Variants in PXDNL observed in about 807,000 individuals in gnomAD.
The protein encoded by PXDNL is probable oxidoreductase PXDNL.
A neutral mutation model predicts 150.8 loss-of-function variants in PXDNL; 145 were observed. That is an observed-to-expected ratio of 0.96 (90% confidence interval 0.84 to 1.10). PXDNL has a LOEUF of 1.10. Among genes scored for constraint, PXDNL ranks in the 50% least tolerant of loss-of-function variants. PXDNL has a pLI of 0.00. For synonymous variants in PXDNL, 757 were observed against 725.7 expected (o/e 1.04, Z -0.69); for missense variants, 2,087 against 1,873.9 (o/e 1.11, Z -2.10).
At chr8:51,534,971 G>A (rs1441401230) in intron 4 of PXDNL, among the ~76,000 whole-genome samples, 1 of 113,410 alleles carries the variant, frequency 8.8e-6, no homozygotes, top group Non-Finnish European at 1.7e-5. Context: ...GGAGGTGGGG[G>A]GGTCAGCCCC....
chr8:51,396,090 C>G (rs1808073469), intron 17 of PXDNL, among the ~76,000 whole-genome samples: 1 of 152,204 alleles, frequency 6.6e-6, no homozygotes, highest in East Asian at 1.9e-4. Flanking sequence ...TTCTATAGAT[C>G]GGCAATAAAC....
chr8:51,628,822 G>C (rs1431387070), intron 2 of PXDNL, among the ~76,000 whole-genome samples: 1 of 152,006 alleles, frequency 6.6e-6, no homozygotes, highest in African/African-American at 2.4e-5. Flanking sequence ...ACAAAAAGAA[G>C]ACTTTACAAA....
rs755211894 is a variant in PXDNL, at chr8:51,809,243, G to A, written c.102C>T (p.Thr34=). The change falls in exon 1 of 23, where the codon ACC becomes ACT. Residue 34 remains threonine, a synonymous_variant. Transcript: ENST00000356297. The part of the protein sequence containing the change: ...CPSRCLCFKS[T]VRCMHLMLDH... ...CCAGCATCAAGTGCATGCAGCGGAC[G>A]GTGCTCTTAAAGCAAAGGCACCGGC... 9 of 1,612,436 alleles carry A rather than the reference G, an allele frequency of 5.6e-6. No homozygotes were observed. Among genetic ancestry groups the A allele is most frequent in the Admixed American group, 1.7e-5 (1 of 59,812 alleles).
At chr8:51,463,857 C>A (rs957444092) in intron 8 of PXDNL, among the ~76,000 whole-genome samples, 11 of 151,914 alleles carry the variant, frequency 7.2e-5, no homozygotes, top group African/African-American at 2.7e-4. Flanking sequence ...GGGTAAACAA[C>A]AAAATTAAAA....
chr8:51,676,854 A>T (rs1443609948), intron 1 of PXDNL, among the ~76,000 whole-genome samples: 3 of 152,244 alleles, frequency 2.0e-5, no homozygotes, highest in African/African-American at 7.2e-5. Flanking sequence ...AAAAAGAAGA[A>T]GATCAATAAG....
intron 1 of PXDNL, among the ~76,000 whole-genome samples, chr8:51,698,167 A>G (rs997866892): frequency 1.3e-5 from 2 of 152,218 alleles, no homozygotes; most frequent in South Asian, 4.1e-4. Context: ...AAATAATTCA[A>G]TAATGAAGTT....
At chr8:51,734,445 G>A (rs1010790034) in intron 1 of PXDNL, among the ~76,000 whole-genome samples, 3 of 152,138 alleles carry the variant, frequency 2.0e-5, no homozygotes, top group Non-Finnish European at 4.4e-5. Context: ...TGTGATAGTT[G>A]GGTTCTGAAA....
intron 4 of PXDNL, among the ~76,000 whole-genome samples, chr8:51,551,453 AT>A (rs1431942874): frequency 1.3e-5 from 2 of 152,208 alleles, no homozygotes; most frequent in Admixed American, 1.3e-4. Context: ...CCAAAACGGC[AT>A]GGTACTACTG....
intron 19 of PXDNL, among the ~76,000 whole-genome samples, chr8:51,368,157 A>C (rs1025328867): frequency 6.6e-6 from 1 of 152,090 alleles, no homozygotes; most frequent in Non-Finnish European, 1.5e-5. Flanking sequence ...ACAAAACAAA[A>C]TGGTGGATAA....
intron 1 of PXDNL, chr8:51,721,989 G>A (rs142486919): frequency 1.2e-4 from 26 of 223,488 alleles, no homozygotes; most frequent in African/African-American, 5.5e-4. Flanking sequence ...CACCTCTTCA[G>A]TACCAGAGAT....
At chr8:51,447,293 T>A in intron 11 of PXDNL, 131 bp from the exon 12 acceptor site, 2 of 856,754 alleles carry the variant, frequency 2.3e-6, no homozygotes, top group East Asian at 5.3e-5. Flanking sequence ...CTGTGTGCGT[T>A]GTGCCCTAGG....
At chr8:51,778,478 A>T (rs192584757) in intron 1 of PXDNL, among the ~76,000 whole-genome samples, 61 of 152,204 alleles carry the variant, frequency 4.0e-4, no homozygotes, top group Non-Finnish European at 7.4e-4. Context: ...CTCTCCACAC[A>T]CATTTTTTAA....
intron 1 of PXDNL, among the ~76,000 whole-genome samples, chr8:51,763,680 T>A (rs72642977): frequency 0.05 from 7,682 of 152,130 alleles, 275 homozygotes; most frequent in Non-Finnish European, 0.077. Flanking sequence ...AAAAAAAAAA[T>A]TTATTCCTGA....
intron 4 of PXDNL, among the ~76,000 whole-genome samples, chr8:51,533,502 CCTCCCTCTCCCT>C (rs1258537863): frequency 7.9e-6 from 1 of 126,830 alleles, no homozygotes; most frequent in East Asian, 2.7e-4. Context: ...TCCCCCTCCC[CCTCCCTCTCCCT>C]CTCCCTCCAC....
chr8:51,438,268 C>A (rs1413143746), intron 12 of PXDNL, among the ~76,000 whole-genome samples: 1 of 152,000 alleles, frequency 6.6e-6, no homozygotes, highest in African/African-American at 2.4e-5. Flanking sequence ...TCATGCAATT[C>A]CCATCAAAAT....
chr8:51,651,374 T>G (rs569608141), intron 2 of PXDNL, among the ~76,000 whole-genome samples: 1 of 152,308 alleles, frequency 6.6e-6, no homozygotes, highest in East Asian at 1.9e-4. Flanking sequence ...GCCCTTCTTT[T>G]GAGATTTGGG....
At chr8:51,504,698 T>C (rs1811250213) in intron 4 of PXDNL, among the ~76,000 whole-genome samples, 1 of 152,222 alleles carries the variant, frequency 6.6e-6, no homozygotes, top group Non-Finnish European at 1.5e-5. Context: ...TAAAGTAATA[T>C]TCACATCCCT....
At chr8:51,339,798 G>A (rs372116972) in intron 20 of PXDNL, 45 bp from the exon 21 acceptor site, 21 of 1,562,866 alleles carry the variant, frequency 1.3e-5, no homozygotes, top group Middle Eastern at 1.7e-4. Context: ...AATAAAAGTC[G>A]TGTGAGAATT....
intron 1 of PXDNL, among the ~76,000 whole-genome samples, chr8:51,729,228 A>G (rs1176578075): frequency 6.6e-6 from 1 of 152,204 alleles, no homozygotes; most frequent in Admixed American, 6.5e-5. Flanking sequence ...GAATGAAAAG[A>G]CAAGTGACAG....
Sources: allele counts gnomAD v4.1 joint callset (sites outside exome capture counted in the v4.1 genomes callset), GRCh38; gene constraint gnomAD v4.1.1; transcripts MANE v1.5; gene names NCBI Gene and HGNC (gene_info 2026-07-23, HGNC 2026-07-21).